The following HSPA12A variants were observed in gnomAD, a reference collection of about 807,000 sequenced individuals.
HSPA12A encodes heat shock 70 kDa protein 12A.
In HSPA12A, 28 loss-of-function variants were observed where a neutral mutation model predicts 69.2. The ratio of observed to expected loss-of-function variants is 0.40; its 90% CI spans 0.30 to 0.55. The LOEUF is 0.55. Among genes scored for constraint, HSPA12A ranks in the 20% least tolerant of loss-of-function variants. The probability of loss-of-function intolerance (pLI) is 0.38; values close to 1 mark genes in which losing one functional copy is unlikely to be tolerated. For missense variants in HSPA12A, 686 were observed against 900.7 expected (o/e 0.76, Z 3.05); for synonymous variants, 345 against 370.5 (o/e 0.93, Z 0.79).
At chr10:116,706,061 A>G (rs566446474) in intron 2 of HSPA12A, among the ~76,000 whole-genome samples, 92 of 151,280 alleles carry the variant, frequency 6.1e-4, no homozygotes, top group African/African-American at 2.2e-3. Flanking sequence ...CACCCGGCTA[A>G]TTTCTTGTAT....
rs536622098 is a variant in HSPA12A, at chr10:116,671,754, T to G, written c.*3027A>C. On this transcript the variant is annotated 3_prime_UTR_variant, in exon 12 of 12. Coordinates refer to ENST00000369209, the MANE Select transcript of HSPA12A (RefSeq NM_025015.3). ...GGGCAGTTACAAAGGAAAGCCTTGA[T>G]GATTCTGCTTCCAAGAAACGTGAAG... 21 of 152,798 alleles carry G rather than the reference T, an allele frequency of 1.4e-4. No individual in the cohort carries two copies. Among genetic ancestry groups the G allele is most frequent in the African/African-American group, 4.8e-4 (20 of 41,600 alleles). 9.5% of individuals were successfully genotyped at this position (152,798 alleles called of 1,614,324 possible). A position where few individuals can be genotyped will look rare whatever the true frequency, so the allele number is the denominator to read the frequency against.
At chr10:116,691,458 G>C (rs1564780231) in intron 6 of HSPA12A, among the ~76,000 whole-genome samples, 1 of 152,144 alleles carries the variant, frequency 6.6e-6, no homozygotes, top group Non-Finnish European at 1.5e-5. Flanking sequence ...CTTCCTGAGA[G>C]TCATGACAGT....
chr10:116,742,589 C>G, upstream of HSPA12A: 5 of 1,122,440 alleles, frequency 4.5e-6, no homozygotes, highest in Non-Finnish European at 5.4e-6. Context: ...AGCGGGAGCG[C>G]TGCTCTGACG....
chr10:116,819,531 C>A (rs1471059741), intron 2 of HSPA12A, among the ~76,000 whole-genome samples: 4 of 152,174 alleles, frequency 2.6e-5, no homozygotes, highest in African/African-American at 9.7e-5. Flanking sequence ...TGTGAGGACA[C>A]ACAGAAGGCA....
At chr10:116,816,800 T>G (rs1845315400) in intron 2 of HSPA12A, among the ~76,000 whole-genome samples, 1 of 152,208 alleles carries the variant, frequency 6.6e-6, no homozygotes, top group African/African-American at 2.4e-5. Context: ...TCTGGTACTA[T>G]GGTTTAAAAG....
chr10:116,842,651 C>G (rs1845821437), intron 1 of HSPA12A, among the ~76,000 whole-genome samples: 1 of 152,144 alleles, frequency 6.6e-6, no homozygotes, highest in Non-Finnish European at 1.5e-5. Flanking sequence ...GAGTCTTGCT[C>G]TGTCGCCCGG....
chr10:116,722,397 C>T (rs1850809153), intron 1 of HSPA12A, among the ~76,000 whole-genome samples: 1 of 152,196 alleles, frequency 6.6e-6, no homozygotes, highest in Non-Finnish European at 1.5e-5. Context: ...CGGCTCCAAC[C>T]AACCCTTGTC....
intron 1 of HSPA12A, among the ~76,000 whole-genome samples, chr10:116,720,082 C>T (rs781828742): frequency 4.6e-5 from 7 of 152,212 alleles, no homozygotes; most frequent in Non-Finnish European, 1.0e-4. Flanking sequence ...CTTGTGAATA[C>T]TATAAACCAC....
intron 2 of HSPA12A, among the ~76,000 whole-genome samples, chr10:116,755,130 A>G (rs1554888637): frequency 6.6e-6 from 1 of 151,872 alleles, no homozygotes. Flanking sequence ...ATTTTTGTAT[A>G]TTTAATAGAG....
intron 2 of HSPA12A, among the ~76,000 whole-genome samples, chr10:116,788,897 G>C (rs972570521): frequency 1.6e-5 from 2 of 121,420 alleles, no homozygotes; most frequent in Non-Finnish European, 3.3e-5. Flanking sequence ...ACAGAGTTTT[G>C]CTCTGTCACC....
Position 116,681,809 on chromosome 10 carries a change from A to G in HSPA12A, c.904T>C (p.Trp302Arg), listed in dbSNP as rs1589622676. 6.2e-7 allele frequency: 1 copy of G among 1,614,088 alleles called. No individual in the cohort carries two copies. The highest frequency in any genetic ancestry group is 8.5e-7 in the Non-Finnish European group (1 of 1,179,930). The change falls in exon 8 of 12, where the codon TGG (tryptophan) becomes CGG (arginine). Residue 302 changes from tryptophan to arginine, a missense_variant. Coordinates refer to ENST00000369209, the MANE Select transcript of HSPA12A (RefSeq NM_025015.3). ...ACGCTACCTTCCTCCAGCTCGGACC[A>G]GATTTCTCCTATGACATTCTCCACC... ...FLVENVIGEI[W>R]SELEEGDKYV...
At chr10:116,737,940 C>T (rs576297838) in intron 1 of HSPA12A, among the ~76,000 whole-genome samples, 7 of 152,334 alleles carry the variant, frequency 4.6e-5, no homozygotes, top group Admixed American at 3.9e-4. Context: ...TCGCTGGCCC[C>T]GCTCACTCCT....
chr10:116,734,916 C>T (rs1436270281), intron 1 of HSPA12A, among the ~76,000 whole-genome samples: 5 of 152,018 alleles, frequency 3.3e-5, no homozygotes, highest in African/African-American at 4.8e-5. Flanking sequence ...GGCATGAACC[C>T]GGGAGGCGGA....
chr10:116,838,814 T>G (rs1412428529), intron 1 of HSPA12A, among the ~76,000 whole-genome samples: 1 of 152,248 alleles, frequency 6.6e-6, no homozygotes, highest in East Asian at 1.9e-4. Context: ...GCCGGTTAAA[T>G]GCACAGAGAG....
At chr10:116,741,681 C>G (rs1346124517) in intron 1 of HSPA12A, among the ~76,000 whole-genome samples, 1 of 152,200 alleles carries the variant, frequency 6.6e-6, no homozygotes, top group African/African-American at 2.4e-5. Flanking sequence ...CTCCGGCTCC[C>G]CCACCCTTCG....
chr10:116,779,616 G>C (rs1003081535), intron 2 of HSPA12A, among the ~76,000 whole-genome samples: 1 of 152,178 alleles, frequency 6.6e-6, no homozygotes, highest in East Asian at 1.9e-4. Context: ...AAAGACAACA[G>C]GAACAGTGTT....
chr10:116,675,401 G>T lies in HSPA12A; in HGVS notation c.1408C>A (p.Pro470Thr). The part of the protein sequence containing the change: ...IEHLRDLFQK[P>T]EVSTVKFLFL... ...AGGAACTTGACGGTGGACACCTCGG[G>T]CTTCTGAAACAGGTCCCCTGGAAGG... The change falls in exon 12 of 12, where the codon CCC becomes ACC. Residue 470 changes from proline (P) to threonine (T), a missense_variant. Coordinates refer to ENST00000369209, the MANE Select transcript of HSPA12A (RefSeq NM_025015.3). The surrounding 1 kb of genome is among the most constrained non-coding windows in gnomAD (Gnocchi z 5.2). The T allele has an allele frequency of 6.3e-7, 1 of 1,597,176 alleles. No individual in the cohort carries two copies. Among genetic ancestry groups the T allele is most frequent in the Non-Finnish European group, 8.5e-7 (1 of 1,171,932 alleles).
intron 2 of HSPA12A, among the ~76,000 whole-genome samples, chr10:116,772,661 C>T (rs1844237240): frequency 6.6e-6 from 1 of 151,798 alleles, no homozygotes; most frequent in African/African-American, 2.4e-5. Flanking sequence ...TTTTCTTTTC[C>T]TTTCTATCTT....
intron 1 of HSPA12A, among the ~76,000 whole-genome samples, chr10:116,729,315 C>T (rs559378978): frequency 6.6e-5 from 10 of 152,264 alleles, no homozygotes; most frequent in East Asian, 5.8e-4. Context: ...CTTTGGGGCA[C>T]GGTCCAGGCC....
Sources: gnomAD v4.1 joint callset for allele counts (sites outside exome capture counted in the v4.1 genomes callset) on GRCh38, gnomAD v4.1.1 for gene constraint, Gnocchi (gnomAD v3.1) non-coding constraint, MANE v1.5 for transcripts, NCBI Gene and HGNC (gene_info 2026-07-23, HGNC 2026-07-21) for gene names.